Variants in DBF4B observed in about 807,000 individuals in gnomAD.
DBF4B encodes the protein DBF4B-CDC7 kinase regulatory subunit.
DBF4B carries 49 observed loss-of-function variants against 53.4 expected under a neutral mutation model. The ratio of observed to expected loss-of-function variants is 0.92; its 90% CI spans 0.73 to 1.16. DBF4B has a LOEUF of 1.16. DBF4B is among the 50% of genes most tolerant of loss of function. DBF4B has a pLI of 0.00. For synonymous variants in DBF4B, 257 were observed against 288.7 expected (o/e 0.89, Z 1.11); for missense variants, 692 against 775.0 (o/e 0.89, Z 1.27).
chr17:44,728,196 A>G (rs367891217), intron 3 of DBF4B, among the ~76,000 whole-genome samples: 50 of 152,198 alleles, frequency 3.3e-4, no homozygotes, highest in Non-Finnish European at 5.1e-4. Context: ...ACTATATGCA[A>G]TAAGCTAAAC....
intron 2 of DBF4B, among the ~76,000 whole-genome samples, chr17:44,720,858 A>G (rs1388280378): frequency 6.7e-6 from 1 of 148,578 alleles, no homozygotes; most frequent in East Asian, 2.0e-4. Flanking sequence ...ACTTGCTATT[A>G]TCTGGCTTTT....
intron 3 of DBF4B, among the ~76,000 whole-genome samples, chr17:44,724,615 G>C (rs1486918203): frequency 6.6e-6 from 1 of 152,124 alleles, no homozygotes; most frequent in Admixed American, 6.5e-5. Flanking sequence ...TCCTGACCTC[G>C]TGATCCTCCC....
At chr17:44,722,235 A>AAC (rs372541456) in intron 2 of DBF4B, among the ~76,000 whole-genome samples, 3,737 of 151,546 alleles carry the variant, frequency 0.025, 110 homozygotes, top group African/African-American at 0.058. Context: ...TGTGCTCTCC[A>AAC]ACACACACAC....
At chr17:44,735,460 G>A (rs781434888) in intron 7 of DBF4B, among the ~76,000 whole-genome samples, 2 of 152,116 alleles carry the variant, frequency 1.3e-5, no homozygotes, top group Non-Finnish European at 2.9e-5. Flanking sequence ...ATCGCTTGAG[G>A]TCGGGAGTTT....
At chr17:44,727,424 G>GA (rs147887451) in intron 3 of DBF4B, among the ~76,000 whole-genome samples, 34 of 145,078 alleles carry the variant, frequency 2.3e-4, no homozygotes, top group African/African-American at 3.0e-4. Context: ...GTCTCAAAAA[G>GA]AAAAAAAAAA....
At position 44,717,870 on chromosome 17, in the gene DBF4B, G is replaced by A. The variant is rs117442088; in HGVS notation, c.83-5010G>A. The stretch of plus-strand genomic sequence containing the variant: ...TCTCTACAGAAAATCAAAAAAATTC[G>A]CCAGGTATGGTGGTGCGTGACATGG... On this transcript the variant is annotated intron_variant, in intron 2 of 13. Transcript: ENST00000315005. Among the ~76,000 whole-genome samples the A allele has an allele frequency of 2.3e-3, 350 of 151,554 alleles. 9 individuals are homozygous for A. In the East Asian group the frequency reaches 0.06, roughly 26 times the overall value.
In DBF4B at chr17:44,751,187, A is replaced by T. The variant is rs2049272067; in HGVS notation, c.1782A>T (p.Lys594Asn). Reference sequence around the variant, plus strand: ...ACCTTGGACATCTCTGCCAGGCCAAACCCCAAGGCTGGAACACTCCTCAGC... The same window carrying T: ...ACCTTGGACATCTCTGCCAGGCCAATCCCCAAGGCTGGAACACTCCTCAGC... The part of the protein sequence containing the change: ...DHDLGHLCQA[K>N]PQGWNTPQPF... The change falls in exon 14 of 14, where the codon AAA becomes AAT. Residue 594 changes from lysine to asparagine, a missense_variant. Coordinates refer to ENST00000315005, the MANE Select transcript of DBF4B (RefSeq NM_145663.3). 6.2e-7 allele frequency: 1 copy of T among 1,613,796 alleles called. No individual in the cohort carries two copies. Among genetic ancestry groups the T allele is most frequent in the Non-Finnish European group, 8.5e-7 (1 of 1,179,980 alleles).
At chr17:44,727,242 C>A (rs967168378) in intron 3 of DBF4B, among the ~76,000 whole-genome samples, 1 of 150,634 alleles carries the variant, frequency 6.6e-6, no homozygotes, top group Non-Finnish European at 1.5e-5. Flanking sequence ...CATGATGAAA[C>A]CTTGTCTCTA....
rs185064329 is a variant in DBF4B at position 44,731,144 on chromosome 17, T to G, written c.468+129T>G. 29 of 1,053,188 alleles carry G rather than the reference T, an allele frequency of 2.8e-5. No individual in the cohort carries two copies. In the East Asian group the frequency reaches 7.2e-4, roughly 26 times the overall value. The allele number at this position is 1,053,188 out of a possible 1,614,324, so 65.2% of individuals were successfully genotyped here. A position where few individuals can be genotyped will look rare whatever the true frequency, so the allele number is the denominator to read the frequency against. ...CTGCGATATGTAGTATTGTCATTAT[T>G]TCCTTCTTCTACATCAGGTAGTGGA... On this transcript the variant is annotated intron_variant, in intron 5 of 13. Transcript: ENST00000315005.
chr17:44,751,614 T>TG lies in DBF4B; in HGVS notation c.*362dup. Reference sequence around the variant, plus strand: ...CCATGCTCCTCTCCTGGAAAACACTTGAGTTGATTCAGTAAATCGACTTCA... The same window carrying TG: ...CCATGCTCCTCTCCTGGAAAACACTTGGAGTTGATTCAGTAAATCGACTTCA... On this transcript the variant is annotated 3_prime_UTR_variant, in exon 14 of 14. Transcript: ENST00000315005. 1 of 1,360,024 alleles carries TG rather than the reference T, an allele frequency of 7.4e-7. No individual in the cohort carries two copies. The highest frequency in any genetic ancestry group is 9.5e-7 in the Non-Finnish European group (1 of 1,055,716). The allele number at this position is 1,360,024 out of a possible 1,614,324, so 84.2% of individuals were successfully genotyped here. A position where few individuals can be genotyped will look rare whatever the true frequency, so the allele number is the denominator to read the frequency against.
At chr17:44,713,201 G>A (rs1405823469) in intron 2 of DBF4B, among the ~76,000 whole-genome samples, 4 of 149,928 alleles carry the variant, frequency 2.7e-5, no homozygotes, top group Non-Finnish European at 4.5e-5. Flanking sequence ...GACCAGGCCC[G>A]GCTAATTTTT....
chr17:44,727,979 A>G (rs959557735), intron 3 of DBF4B, among the ~76,000 whole-genome samples: 2 of 151,258 alleles, frequency 1.3e-5, no homozygotes, highest in African/African-American at 4.9e-5. Context: ...TGGCCTCCCA[A>G]AGTGCTAGGA....
In DBF4B at chr17:44,752,098, C is replaced by A; in HGVS notation, c.*845C>A. On this transcript the variant is annotated 3_prime_UTR_variant, in exon 14 of 14. Coordinates refer to ENST00000315005, the MANE Select transcript of DBF4B (RefSeq NM_145663.3). ...GATGTGACCGATTGGTAGCTCCACC[C>A]CAACTCCCTTCTGCTGGGTGGAATG... 9.1e-7 allele frequency: 1 copy of A among 1,094,012 alleles called. No homozygotes were observed. 67.8% of individuals were successfully genotyped at this position (1,094,012 alleles called of 1,614,324 possible).
intron 3 of DBF4B, among the ~76,000 whole-genome samples, chr17:44,725,978 G>C (rs903807696): frequency 2.6e-5 from 4 of 151,448 alleles, no homozygotes; most frequent in Non-Finnish European, 5.9e-5. Context: ...CTGAGGCACT[G>C]CTACTGGCCC....
chr17:44,739,721 C>A (rs755765145), intron 9 of DBF4B, among the ~76,000 whole-genome samples: 1 of 152,210 alleles, frequency 6.6e-6, no homozygotes, highest in Non-Finnish European at 1.5e-5. Context: ...TACACATATT[C>A]CTGGCATTAT....
chr17:44,742,723 G>A (rs1015296202), intron 10 of DBF4B, among the ~76,000 whole-genome samples: 1 of 152,190 alleles, frequency 6.6e-6, no homozygotes, highest in African/African-American at 2.4e-5. Flanking sequence ...AATAACTAAG[G>A]GGCGGGGCGG....
intron 8 of DBF4B, among the ~76,000 whole-genome samples, chr17:44,737,700 C>A (rs1426496692): frequency 6.6e-6 from 1 of 152,158 alleles, no homozygotes; most frequent in Non-Finnish European, 1.5e-5. Context: ...ATTTTGTAAG[C>A]TATGCGAATA....
At chr17:44,725,488 T>A (rs1249631858) in intron 3 of DBF4B, among the ~76,000 whole-genome samples, 1 of 152,064 alleles carries the variant, frequency 6.6e-6, no homozygotes, top group Non-Finnish European at 1.5e-5. Flanking sequence ...GTTTTTAGTA[T>A]ATTCACAGAA....
At chr17:44,739,361 A>C (rs1440743796) in intron 9 of DBF4B, among the ~76,000 whole-genome samples, 1 of 152,262 alleles carries the variant, frequency 6.6e-6, no homozygotes, top group Non-Finnish European at 1.5e-5. Context: ...CTGAGGACAG[A>C]ATTGTCTGTG....
Sources: gnomAD v4.1 joint callset for allele counts (sites outside exome capture counted in the v4.1 genomes callset) on GRCh38, gnomAD v4.1.1 for gene constraint, MANE v1.5 for transcripts, NCBI Gene and HGNC (gene_info 2026-07-23, HGNC 2026-07-21) for gene names.